TNKS: variants seen among roughly 807,000 people sequenced by gnomAD.
TNKS encodes the protein tankyrase.
Under a neutral mutation model 135.8 loss-of-function variants are expected in TNKS, and 72 were observed. That is an observed-to-expected ratio of 0.53 (90% CI 0.44 to 0.64). The LOEUF is 0.64. Among genes scored for constraint, TNKS ranks in the 30% least tolerant of loss-of-function variants. The probability of loss-of-function intolerance (pLI) is 0.00; values close to 1 mark genes in which losing one functional copy is unlikely to be tolerated. For missense variants in TNKS, 1,769 were observed against 1,674.0 expected (o/e 1.06, Z -0.99); for synonymous variants, 849 against 649.3 (o/e 1.31, Z -4.68).
chr8:9,628,131 G>A (rs926109776), intron 3 of TNKS, among the ~76,000 whole-genome samples: 9 of 151,000 alleles, frequency 6.0e-5, no homozygotes, highest in Non-Finnish European at 1.5e-5. Context: ...CATATGTATT[G>A]AATTCTGGTA....
intron 5 of TNKS, among the ~76,000 whole-genome samples, chr8:9,690,856 T>TATCAATTGC (rs1354632159): frequency 1.3e-5 from 2 of 152,298 alleles, no homozygotes; most frequent in Non-Finnish European, 1.5e-5. Context: ...GGCTATGAAA[T>TATCAATTGC]ATCAATTGCT....
At chr8:9,570,715 T>C (rs1797724707) in intron 1 of TNKS, among the ~76,000 whole-genome samples, 1 of 152,206 alleles carries the variant, frequency 6.6e-6, no homozygotes, top group Admixed American at 6.5e-5. Context: ...TTGGCCACTC[T>C]TGTATTCTCT....
intron 3 of TNKS, among the ~76,000 whole-genome samples, chr8:9,641,472 TAA>T (rs1800729423): frequency 1.4e-5 from 2 of 145,212 alleles, no homozygotes; most frequent in Admixed American, 1.5e-4. Context: ...TATATTTTAA[TAA>T]GAGTCAATAA....
intron 2 of TNKS, among the ~76,000 whole-genome samples, chr8:9,609,322 G>T (rs2128762738): frequency 6.6e-6 from 1 of 152,190 alleles, no homozygotes; most frequent in South Asian, 2.1e-4. Flanking sequence ...GCCAATCTGG[G>T]GCCACCTTAA....
chr8:9,557,860 A>G (rs922453048), intron 1 of TNKS: 1 of 152,230 alleles, frequency 6.6e-6, no homozygotes, highest in East Asian at 1.9e-4. Context: ...AAATAAGTCC[A>G]AATTCAGTCA....
chr8:9,632,376 A>G (rs1045337940), intron 3 of TNKS, among the ~76,000 whole-genome samples: 4 of 152,174 alleles, frequency 2.6e-5, no homozygotes, highest in African/African-American at 9.7e-5. Flanking sequence ...GCATAGATTC[A>G]CCAATTATTA....
At chr8:9,665,563 C>G (rs1801945224) in intron 3 of TNKS, among the ~76,000 whole-genome samples, 1 of 152,196 alleles carries the variant, frequency 6.6e-6, no homozygotes, top group Admixed American at 6.5e-5. Context: ...TTGTGCATCT[C>G]TACAAGATTC....
intron 1 of TNKS, among the ~76,000 whole-genome samples, chr8:9,569,701 T>C (rs1563388275): frequency 1.3e-5 from 2 of 152,228 alleles, no homozygotes; most frequent in South Asian, 4.1e-4. Flanking sequence ...AAAAGCAATA[T>C]TTAGTTAATT....
intron 25 of TNKS, among the ~76,000 whole-genome samples, chr8:9,768,959 A>T (rs1239812469): frequency 6.6e-6 from 1 of 152,226 alleles, no homozygotes; most frequent in African/African-American, 2.4e-5. Flanking sequence ...TATAACACAA[A>T]GCTTATACTC....
intron 3 of TNKS, among the ~76,000 whole-genome samples, chr8:9,678,198 T>C (rs1236112827): frequency 6.6e-6 from 1 of 152,262 alleles, no homozygotes; most frequent in South Asian, 2.1e-4. Context: ...ATACATTTTA[T>C]AGATACATTG....
At chr8:9,594,467 G>A (rs1295179781) in intron 2 of TNKS, among the ~76,000 whole-genome samples, 1 of 152,164 alleles carries the variant, frequency 6.6e-6, no homozygotes, top group East Asian at 1.9e-4. Flanking sequence ...ATCGGTTATC[G>A]TAATGGAGAG....
rs758244082 is a variant in TNKS, at chr8:9,730,963, C to G, written c.2075C>G (p.Ala692Gly). 1 of 1,614,104 alleles carries G rather than the reference C, an allele frequency of 6.2e-7. No homozygotes were observed. ...GRHSTPLHFA[A>G]GYNRVSVVEY... ...CATTCCACGCCCTTACACTTCGCAG[C>G]AGGCTACAACCGCGTGTCTGTTGTA... The change falls in exon 14 of 27, where the codon GCA (alanine) becomes GGA (glycine). Residue 692 changes from alanine to glycine, a missense_variant. Physicochemically the swap from Ala to Gly is moderately conservative, Grantham distance 60. Coordinates refer to ENST00000310430, the MANE Select transcript of TNKS (RefSeq NM_003747.3).
intron 3 of TNKS, among the ~76,000 whole-genome samples, chr8:9,675,401 T>G (rs967318477): frequency 2.6e-5 from 4 of 152,166 alleles, no homozygotes; most frequent in Non-Finnish European, 5.9e-5. Context: ...AACCTGAGAA[T>G]TGAGATTCTA....
intron 5 of TNKS, among the ~76,000 whole-genome samples, chr8:9,692,254 A>C (rs1803309450): frequency 6.6e-6 from 1 of 152,140 alleles, no homozygotes; most frequent in Non-Finnish European, 1.5e-5. Flanking sequence ...GTTCAGGTGT[A>C]TTCACTGTTT....
intron 14 of TNKS, among the ~76,000 whole-genome samples, chr8:9,731,534 C>T (rs1244747364): frequency 6.6e-6 from 1 of 151,262 alleles, no homozygotes; most frequent in African/African-American, 2.4e-5. Flanking sequence ...AGCCCACCTC[C>T]TGCTCAGAGA....
chr8:9,638,608 T>A (rs13275502), intron 3 of TNKS, among the ~76,000 whole-genome samples: 114,285 of 152,174 alleles, frequency 0.75, 43,320 homozygotes, highest in Non-Finnish European at 0.81. Flanking sequence ...TAAGTTTATT[T>A]TGCTTTAAAT....
chr8:9,588,174 C>G (rs1192759663), intron 2 of TNKS, among the ~76,000 whole-genome samples: 2 of 152,070 alleles, frequency 1.3e-5, no homozygotes, highest in African/African-American at 4.8e-5. Context: ...TGTGGAGAGT[C>G]CTTGTCCTTA....
At chr8:9,591,998 A>C (rs941169559) in intron 2 of TNKS, among the ~76,000 whole-genome samples, 8 of 152,236 alleles carry the variant, frequency 5.3e-5, no homozygotes, top group Non-Finnish European at 1.0e-4. Context: ...AAATGAAAGA[A>C]TCAGCTATTT....
chr8:9,666,551 C>G (rs1219407673), intron 3 of TNKS, among the ~76,000 whole-genome samples: 1 of 151,942 alleles, frequency 6.6e-6, no homozygotes, highest in Non-Finnish European at 1.5e-5. Flanking sequence ...GAAACCCCGT[C>G]TCTACTAAAA....
Sources: gnomAD v4.1 joint callset for allele counts (sites outside exome capture counted in the v4.1 genomes callset) on GRCh38, gnomAD v4.1.1 for gene constraint, MANE v1.5 for transcripts, NCBI Gene and HGNC (gene_info 2026-07-23, HGNC 2026-07-21) for gene names.